The following PRG4 variants were observed in gnomAD, a reference collection of about 807,000 sequenced individuals.
The protein encoded by PRG4 is proteoglycan 4, also known as articular superficial zone protein.
Under a neutral mutation model 91.2 loss-of-function variants are expected in PRG4, and 61 were observed. The ratio of observed to expected loss-of-function variants is 0.67; its 90% CI spans 0.54 to 0.83. The LOEUF (loss-of-function observed/expected upper bound fraction) is 0.83. Among genes scored for constraint, PRG4 ranks in the 40% least tolerant of loss-of-function variants. The pLI is 0.00. For synonymous variants in PRG4, 576 were observed against 614.2 expected (o/e 0.94, Z 0.92); for missense variants, 1,564 against 1,714.2 (o/e 0.91, Z 1.55).
chr1:186,304,206 C>T lies in PRG4; in HGVS notation c.418C>T (p.Pro140Ser), dbSNP rs772388844. Reference sequence around the variant, plus strand: ...AACAACCAAACGTTCACCCAAACCACCAAACAAGAAGAAGACTAAGAAAGT... The same window carrying T: ...AACAACCAAACGTTCACCCAAACCATCAAACAAGAAGAAGACTAAGAAAGT... ...KSTTKRSPKP[P>S]NKKKTKKVIE... The change falls in exon 5 of 13, where the codon CCA (proline) becomes TCA (serine). Residue 140 changes from proline to serine, a missense_variant. Pro to Ser is a moderately conservative substitution (Grantham distance 74). Around this residue, in one of 3 missense-constraint regions of PRG4, gnomAD observed 437 missense variants for 459.0 expected, o/e 0.95. Coordinates refer to ENST00000445192, the MANE Select transcript of PRG4 (RefSeq NM_005807.6). 1.2e-6 allele frequency: 2 copies of T among 1,613,670 alleles called. No individual in the cohort carries two copies. The highest frequency in any genetic ancestry group is 1.7e-6 in the Non-Finnish European group (2 of 1,179,682).
At chr1:186,311,273 A>G in intron 9 of PRG4, 103 bp downstream of exon 9, 1 of 1,426,978 alleles carries the variant, frequency 7.0e-7, no homozygotes, top group Admixed American at 1.7e-5. Flanking sequence ...CCTTTTAAAT[A>G]CTCTGTCATC....
chr1:186,310,373 T>A (rs1213389382), intron 8 of PRG4, among the ~76,000 whole-genome samples: 1 of 152,194 alleles, frequency 6.6e-6, no homozygotes, highest in Non-Finnish European at 1.5e-5. Context: ...CTGAAAGCAA[T>A]TCCTTTTCGT....
At chr1:186,301,529 G>C in intron 3 of PRG4, 63 bp from the exon 4 acceptor site, 1 of 1,609,552 alleles carries the variant, frequency 6.2e-7, no homozygotes, top group Non-Finnish European at 8.5e-7. Flanking sequence ...GGAAATGGCT[G>C]TCAAATACGT....
In PRG4 at chr1:186,313,815, T is replaced by C; in HGVS notation, c.*37T>C. ...AAGGAGGAGTCAACTAATGAAGAAA[T>C]GAATAATAAATTTTGACACTGAAAA... On this transcript the variant is annotated 3_prime_UTR_variant, in exon 13 of 13. Transcript: ENST00000445192. 3 of 1,530,914 alleles carry C rather than the reference T, an allele frequency of 2.0e-6. No homozygotes were observed. Among genetic ancestry groups the C allele is most frequent in the Non-Finnish European group, 2.7e-6 (3 of 1,104,698 alleles). 94.8% of individuals were successfully genotyped at this position (1,530,914 alleles called of 1,614,324 possible).
rs769537395 is a variant in PRG4 at position 186,296,942 on chromosome 1, T to C, written c.67T>C (p.Ser23Pro). Residue 23 changes from serine (S) to proline (P), a missense_variant, in exon 2 of 13, where the codon TCA becomes CCA. Coordinates refer to ENST00000445192, the MANE Select transcript of PRG4 (RefSeq NM_005807.6). ...LLSVFVIQQV[S>P]SQDLSSCAGR... ...GTCTGTTTTCGTGATTCAGCAAGTT[T>C]CATCTCAAGGTAGCTTAACCATCGA... The C allele has an allele frequency of 6.2e-7, 1 of 1,613,234 alleles. No homozygotes were observed. Among genetic ancestry groups the C allele is most frequent in the Non-Finnish European group, 8.5e-7 (1 of 1,179,178 alleles).
chr1:186,308,827 G>A lies in PRG4; in HGVS notation c.3108G>A (p.Lys1036=). The change falls in exon 7 of 13, where the codon AAG becomes AAA. Residue 1036 remains lysine, a synonymous_variant. Coordinates refer to ENST00000445192, the MANE Select transcript of PRG4 (RefSeq NM_005807.6). ...KAPKKPTSTK[K]PKTMPRVRKP... is the part of the protein sequence containing the mutation. Reference sequence around the variant, plus strand: ...CCAAAAAACCCACTTCTACCAAAAAGCCAAAAACAATGCCTAGAGTGAGAA... The same window carrying A: ...CCAAAAAACCCACTTCTACCAAAAAACCAAAAACAATGCCTAGAGTGAGAA... The A allele has an allele frequency of 6.2e-7, 1 of 1,613,752 alleles. No homozygotes were observed. The highest frequency in any genetic ancestry group is 1.1e-5 in the South Asian group (1 of 91,058).
intron 4 of PRG4, among the ~76,000 whole-genome samples, chr1:186,303,624 C>G: frequency 6.6e-6 from 1 of 151,636 alleles, no homozygotes; most frequent in Middle Eastern, 3.2e-3. Flanking sequence ...GAACTTTTCA[C>G]AAGAATATTC....
At position 186,313,732 on chromosome 1, in the gene PRG4, C is replaced by T; in HGVS notation, c.4169C>T (p.Thr1390Ile). 4 of 1,610,446 alleles carry T rather than the reference C, an allele frequency of 2.5e-6. No homozygotes were observed. Among genetic ancestry groups the T allele is most frequent in the African/African-American group, 1.3e-5 (1 of 74,938 alleles). ...VPSRTARAITTRSGQTLSKVW... is the reference protein window; with the variant it reads ...VPSRTARAITIRSGQTLSKVW... Reference sequence around the variant, plus strand: ...AGTAGAACAGCAAGAGCAATTACTACTCGTTCTGGGCAGACCTTATCCAAA... The same window carrying T: ...AGTAGAACAGCAAGAGCAATTACTATTCGTTCTGGGCAGACCTTATCCAAA... The change falls in exon 13 of 13, where the codon ACT becomes ATT. Residue 1390 changes from threonine (T) to isoleucine (I), a missense_variant. Thr to Ile is a moderately conservative substitution (Grantham distance 89, BLOSUM62 -1). Around this residue, in one of 3 missense-constraint regions of PRG4, gnomAD observed 1,079 missense variants for 1,162.2 expected, o/e 0.93. Transcript: ENST00000445192.
At chr1:186,311,688 C>T in intron 10 of PRG4, 92 bp downstream of exon 10, 5 of 1,291,196 alleles carry the variant, frequency 3.9e-6, no homozygotes, top group South Asian at 1.2e-5. Flanking sequence ...CAAAAGATAT[C>T]TTTAATGGCT....
chr1:186,313,807 T>C lies in PRG4; in HGVS notation c.*29T>C, dbSNP rs1199088064. The C allele has an allele frequency of 1.3e-6, 2 of 1,534,530 alleles. No homozygotes were observed. The highest frequency in any genetic ancestry group is 1.7e-5 in the Admixed American group (1 of 59,914). ...GATGAGCAAAGGAGGAGTCAACTAA[T>C]GAAGAAATGAATAATAAATTTTGAC... On this transcript the variant is annotated 3_prime_UTR_variant, in exon 13 of 13. Transcript: ENST00000445192.
rs1394789220 is a variant in PRG4, at chr1:186,304,875, C to A, written c.551C>A (p.Ser184Tyr). 8 of 1,613,224 alleles carry A rather than the reference C, an allele frequency of 5.0e-6. No individual in the cohort carries two copies. The highest frequency in any genetic ancestry group is 1.3e-5 in the African/African-American group (1 of 74,860). Residue 184 changes from serine to tyrosine, a missense_variant, in exon 6 of 13, where the codon TCT (serine) becomes TAT (tyrosine). By Grantham distance (144) the Ser-to-Tyr change is moderately radical (BLOSUM62 -2). This residue lies in a region of PRG4 where 437 missense variants were observed against 459.0 expected (regional missense o/e 0.95). Transcript: ENST00000445192. The part of the protein sequence containing the change: ...SSSSTIRKIK[S>Y]SKNSAANREL... ...TCTTCAACAATTCGGAAAATCAAGT[C>A]TTCCAAAAATTCAGCTGCTAATAGA...
chr1:186,310,977 CTTTT>C (rs1223540661), intron 8 of PRG4, 53 bp from the exon 9 acceptor site: 1 of 1,598,970 alleles, frequency 6.3e-7, no homozygotes, highest in Admixed American at 1.7e-5. Flanking sequence ...ATTTTGGTTT[CTTTT>C]GTGATAGGTT....
In PRG4 at chr1:186,308,722, TG is replaced by T. The variant is rs1347362321; in HGVS notation, c.3004del (p.Glu1002LysfsTer42). The T allele has an allele frequency of 6.2e-7, 1 of 1,612,456 alleles. No individual in the cohort carries two copies. Among genetic ancestry groups the T allele is most frequent in the East Asian group, 2.2e-5 (1 of 44,848 alleles). ...ITTTEIMNKP[E>X]ETAKPKDRAT... Reference sequence around the variant, plus strand: ...CTACCACTGAGATTATGAACAAACCTGAAGAAACAGCTAAACCAAAAGACAG... The same window carrying T: ...CTACCACTGAGATTATGAACAAACCTAAGAAACAGCTAAACCAAAAGACAG... On this transcript the variant is annotated frameshift_variant, in exon 7 of 13. Transcript: ENST00000445192. LOFTEE classifies it high-confidence loss of function.
chr1:186,309,906 TTC>T (rs753016631), intron 8 of PRG4, 36 bp downstream of exon 8: 2 of 1,571,682 alleles, frequency 1.3e-6, no homozygotes, highest in Admixed American at 1.7e-5. Flanking sequence ...CTTCTCATCA[TTC>T]TGTTTTGGCA....
chr1:186,311,687 T>A (rs1335333803), intron 10 of PRG4, 91 bp downstream of exon 10: 1 of 1,314,470 alleles, frequency 7.6e-7, no homozygotes, highest in Non-Finnish European at 1.1e-6. Context: ...TCAAAAGATA[T>A]CTTTAATGGC....
chr1:186,300,791 T>C (rs141603908), intron 3 of PRG4, among the ~76,000 whole-genome samples: 2 of 152,332 alleles, frequency 1.3e-5, no homozygotes, highest in East Asian at 1.9e-4. Flanking sequence ...GTGTTTCACT[T>C]GAATATATTT....
At chr1:186,310,414 A>G (rs1241008125) in intron 8 of PRG4, among the ~76,000 whole-genome samples, 1 of 152,184 alleles carries the variant, frequency 6.6e-6, no homozygotes, top group East Asian at 1.9e-4. Context: ...GTTAGTCATT[A>G]AATTATAATT....
At chr1:186,310,010 AG>A in intron 8 of PRG4, 140 bp downstream of exon 8, 1 of 726,316 alleles carries the variant, frequency 1.4e-6, no homozygotes, top group Non-Finnish European at 2.5e-6. Flanking sequence ...GGAGAATCCG[AG>A]AGTAATAACA....
At chr1:186,306,151 T>C (rs1165731336) in intron 6 of PRG4, among the ~76,000 whole-genome samples, 167 bp from the exon 7 acceptor site, 2 of 152,098 alleles carry the variant, frequency 1.3e-5, no homozygotes, top group Non-Finnish European at 2.9e-5. Flanking sequence ...AACAGCCCAA[T>C]AAGATAGGTT....
Sources: gnomAD v4.1 joint callset for allele counts (sites outside exome capture counted in the v4.1 genomes callset) on GRCh38, gnomAD v4.1.1 for gene constraint, gnomAD v4.1.1 regional missense constraint, MANE v1.5 for transcripts, NCBI Gene and HGNC (gene_info 2026-07-23, HGNC 2026-07-21) for gene names.